The following PLD1 variants were observed in gnomAD, a reference collection of about 807,000 sequenced individuals.
PLD1 encodes the protein phospholipase D1.
PLD1 carries 112 observed loss-of-function variants against 137.1 expected under a neutral mutation model. The observed-to-expected ratio is 0.82, with a 90% CI of 0.70 to 0.96. The LOEUF is 0.96. Ranked by LOEUF, PLD1 falls within the 40% of genes least tolerant of loss-of-function variation. The probability of loss-of-function intolerance (pLI) is 0.00; values close to 1 mark genes in which losing one functional copy is unlikely to be tolerated. For missense variants in PLD1, 1,321 were observed against 1,342.0 expected (o/e 0.98, Z 0.24); for synonymous variants, 431 against 454.7 (o/e 0.95, Z 0.66).
chr3:171,638,492 C>T (rs181358809), intron 23 of PLD1, among the ~76,000 whole-genome samples: 133 of 152,270 alleles, frequency 8.7e-4, no homozygotes, highest in African/African-American at 3.2e-3. Flanking sequence ...CATTATGCAA[C>T]ACATAACTGT....
chr3:171,691,093 A>G (rs532560864), intron 13 of PLD1, among the ~76,000 whole-genome samples: 1 of 152,266 alleles, frequency 6.6e-6, no homozygotes, highest in African/African-American at 2.4e-5. Flanking sequence ...GTTTTGATTT[A>G]AAGTCTATTT....
chr3:171,603,524 T>C lies in PLD1; in HGVS notation c.3001-222A>G, dbSNP rs6781853. On this transcript the variant is annotated intron_variant, in intron 26 of 26. Transcript: ENST00000351298. ...TCTGCTTCCATTTAAAAAATCATGG[T>C]TAGTGGCAAGAAATTACACTAATGT... 0.51 allele frequency among the ~76,000 whole-genome samples: 77,139 copies of C among 151,974 alleles called. 20,568 individuals carry two copies. The highest frequency in any genetic ancestry group is 0.68 in the African/African-American group (28,099 of 41,470).
In PLD1 at chr3:171,714,380, G is replaced by A. The variant is rs372397404; in HGVS notation, c.759-335C>T. ...ACAGGAAGGGCAAGACTGAGGAGAT[G>A]GGATCCATTTACAGTGAATGCAAAT... On this transcript the variant is annotated intron_variant, in intron 8 of 26. Transcript: ENST00000351298. Among the ~76,000 whole-genome samples the A allele has an allele frequency of 3.9e-5, 6 of 152,156 alleles. No homozygotes were observed. The East Asian group carries it at 1.2e-3, about 29-fold the overall frequency.
At position 171,788,250 on chromosome 3, in the gene PLD1, C is replaced by CTTTTT. The variant is rs58878929; in HGVS notation, c.-32+22144_-32+22148dup. Among the ~76,000 whole-genome samples the CTTTTT allele has an allele frequency of 2.6e-3, 291 of 110,542 alleles. 4 individuals are homozygous for CTTTTT. The highest frequency in any genetic ancestry group is 8.1e-3 in the African/African-American group (242 of 29,796). 72.5% of individuals were successfully genotyped at this position (110,542 alleles called of 152,430 possible). On this transcript the variant is annotated intron_variant, in intron 1 of 26. Transcript: ENST00000351298. ...TGTGTTTGTGAGTGCATCTGCACTT[C>CTTTTT]TTTTTTTTTTTTTTTTTTTTTGTAA...
intron 13 of PLD1, among the ~76,000 whole-genome samples, chr3:171,689,772 G>T (rs1337236605): frequency 6.6e-6 from 1 of 152,130 alleles, no homozygotes; most frequent in African/African-American, 2.4e-5. Context: ...AAAGCGCTGG[G>T]ACTACATGCA....
intron 1 of PLD1, chr3:171,765,362 C>G (rs1278258167): frequency 6.6e-6 from 1 of 152,134 alleles, no homozygotes; most frequent in African/African-American, 2.4e-5. Flanking sequence ...AATGTTCCAA[C>G]AACAATGATG....
At chr3:171,745,613 A>G (rs1421167673) in intron 1 of PLD1, among the ~76,000 whole-genome samples, 1 of 152,242 alleles carries the variant, frequency 6.6e-6, no homozygotes, top group African/African-American at 2.4e-5. Flanking sequence ...TTTTGGATTC[A>G]GTTGAAGTGC....
At chr3:171,739,725 A>T (rs1719635507) in intron 1 of PLD1, among the ~76,000 whole-genome samples, 1 of 152,190 alleles carries the variant, frequency 6.6e-6, no homozygotes, top group Non-Finnish European at 1.5e-5. Flanking sequence ...ATAGATAAGG[A>T]AACTGAGGCA....
chr3:171,600,622 G>A lies in PLD1; in HGVS notation c.*2456C>T, dbSNP rs184256443. On this transcript the variant is annotated 3_prime_UTR_variant, in exon 27 of 27. Transcript: ENST00000351298. ...AGTACATCTTGTGTCCACATTTCATGCAATTTTTGCAGAATGCTGTACTAT... is the reference window on the plus strand; with the variant it reads ...AGTACATCTTGTGTCCACATTTCATACAATTTTTGCAGAATGCTGTACTAT... 3 of 149,546 alleles carry A rather than the reference G, an allele frequency of 2.0e-5. No homozygotes were observed. The highest frequency in any genetic ancestry group is 1.3e-4 in the Admixed American group (2 of 14,956). 9.3% of individuals were successfully genotyped at this position (149,546 alleles called of 1,614,324 possible). A position where few individuals can be genotyped will look rare whatever the true frequency, so the allele number is the denominator to read the frequency against.
At chr3:171,729,368 G>A (rs186492417) in intron 6 of PLD1, among the ~76,000 whole-genome samples, 1 of 152,172 alleles carries the variant, frequency 6.6e-6, no homozygotes, top group African/African-American at 2.4e-5. Flanking sequence ...TAGAGAAACA[G>A]AGAAGCAAAA....
chr3:171,793,235 TC>T, intron 1 of PLD1: 1 of 152,322 alleles, frequency 6.6e-6, no homozygotes, highest in African/African-American at 2.4e-5. Context: ...TCATATAGGC[TC>T]CTGAGAGCAG....
At chr3:171,785,409 C>T (rs1332660190) in intron 1 of PLD1, among the ~76,000 whole-genome samples, 7 of 150,976 alleles carry the variant, frequency 4.6e-5, no homozygotes, top group Admixed American at 2.6e-4. Context: ...AGATATTTTA[C>T]ATTTCTTGTG....
chr3:171,696,692 A>T (rs1410967138), intron 12 of PLD1, among the ~76,000 whole-genome samples: 5 of 152,250 alleles, frequency 3.3e-5, no homozygotes, highest in African/African-American at 7.2e-5. Context: ...ATGTGCATAT[A>T]AAATGTCAAT....
chr3:171,615,755 T>C (rs553495065), intron 24 of PLD1, among the ~76,000 whole-genome samples: 1 of 152,380 alleles, frequency 6.6e-6, no homozygotes, highest in East Asian at 1.9e-4. Flanking sequence ...TTTCTTTATT[T>C]ATTCTGCTAT....
chr3:171,632,443 T>A (rs969651049), intron 23 of PLD1, among the ~76,000 whole-genome samples: 3 of 152,188 alleles, frequency 2.0e-5, no homozygotes, highest in Non-Finnish European at 4.4e-5. Context: ...GTCTATAAAC[T>A]GGATAATAGT....
rs567263525 is a variant in PLD1 at position 171,619,180 on chromosome 3, C to A, written c.2728+1206G>T. Among the ~76,000 whole-genome samples, 4 of 152,272 alleles carry A rather than the reference C, an allele frequency of 2.6e-5. 1 individual carries two copies. In the East Asian group the frequency reaches 7.7e-4, roughly 29 times the overall value. On this transcript the variant is annotated intron_variant, in intron 24 of 26. Coordinates refer to ENST00000351298, the MANE Select transcript of PLD1 (RefSeq NM_002662.5). Reference sequence around the variant, plus strand: ...TCATCTCTCTAAATAACATGACCCACACTGGTTACCTCATTTACCTGGTTG... The same window carrying A: ...TCATCTCTCTAAATAACATGACCCAAACTGGTTACCTCATTTACCTGGTTG...
chr3:171,740,293 C>A (rs141090125), intron 1 of PLD1, among the ~76,000 whole-genome samples: 20 of 152,286 alleles, frequency 1.3e-4, no homozygotes, highest in African/African-American at 4.1e-4. Context: ...ATTGAGGAGC[C>A]ATTGCCCTTG....
chr3:171,633,928 T>C (rs1411843074), intron 23 of PLD1, among the ~76,000 whole-genome samples: 1 of 152,200 alleles, frequency 6.6e-6, no homozygotes, highest in Admixed American at 6.5e-5. Context: ...GGTTTTCTTT[T>C]CAGGAATTTT....
At position 171,708,853 on chromosome 3, in the gene PLD1, T is replaced by C; in HGVS notation, c.1062-15A>G. On this transcript the variant is annotated splice_polypyrimidine_tract_variant and intron_variant, in intron 10 of 26. Transcript: ENST00000351298. ...CATTAACATACCTGAAAGACAAGTT[T>C]ATTGTTCCTTTTTGTTATTAAAAAA... The C allele has an allele frequency of 6.9e-7, 1 of 1,457,194 alleles. No homozygotes were observed. Among genetic ancestry groups the C allele is most frequent in the Non-Finnish European group, 9.6e-7 (1 of 1,039,828 alleles). The allele number at this position is 1,457,194 out of a possible 1,614,324, so 90.3% of individuals were successfully genotyped here.
Sources: gnomAD v4.1 joint callset for allele counts (sites outside exome capture counted in the v4.1 genomes callset) on GRCh38, gnomAD v4.1.1 for gene constraint, MANE v1.5 for transcripts, NCBI Gene and HGNC (gene_info 2026-07-23, HGNC 2026-07-21) for gene names.